PIAS2: variants seen among roughly 807,000 people sequenced by gnomAD.
PIAS2 encodes the protein protein inhibitor of activated STAT 2, also known as E3 SUMO-protein ligase PIAS2.
PIAS2 carries 19 observed loss-of-function variants against 69.7 expected under a neutral mutation model. That is an observed-to-expected ratio of 0.27 (90% CI 0.19 to 0.40). The LOEUF (loss-of-function observed/expected upper bound fraction) is 0.40. Among genes scored for constraint, PIAS2 ranks in the 10% least tolerant of loss-of-function variants. The pLI, the probability that PIAS2 is intolerant of heterozygous loss-of-function variation, is 1.00. For missense variants in PIAS2, 624 were observed against 757.0 expected (o/e 0.82, Z 2.06); for synonymous variants, 261 against 263.2 (o/e 0.99, Z 0.08).
chr18:46,914,479 T>C (rs1164123199), intron 1 of PIAS2, among the ~76,000 whole-genome samples: 1 of 152,160 alleles, frequency 6.6e-6, no homozygotes, highest in Non-Finnish European at 1.5e-5. Context: ...AGATCTCTGG[T>C]ACTGGCTCAC....
chr18:46,902,583 C>T lies in PIAS2; in HGVS notation c.25-11529G>A, dbSNP rs1030396857. 8.6e-5 allele frequency among the ~76,000 whole-genome samples: 13 copies of T among 151,876 alleles called. No homozygotes were observed. In the East Asian group the frequency reaches 2.5e-3, roughly 29 times the overall value. On this transcript the variant is annotated intron_variant, in intron 1 of 13. Coordinates refer to ENST00000585916, the MANE Select transcript of PIAS2 (RefSeq NM_004671.5). Reference sequence around the variant, plus strand: ...CTCAAAAAAAAAAGAGAAAAGAAAACCTAAACAAATAAATTCTTCACGGAT... The same window carrying T: ...CTCAAAAAAAAAAGAGAAAAGAAAATCTAAACAAATAAATTCTTCACGGAT...
At chr18:46,818,588 C>T (rs1349915026) in intron 12 of PIAS2, 2 of 656,512 alleles carry the variant, frequency 3.0e-6, no homozygotes, top group African/African-American at 3.8e-5. Flanking sequence ...CAAAACTCTT[C>T]ACAGTATGAC....
intron 9 of PIAS2, 67 bp downstream of exon 9, chr18:46,836,290 G>T: frequency 8.3e-7 from 1 of 1,210,340 alleles, no homozygotes; most frequent in Non-Finnish European, 1.2e-6. Flanking sequence ...GTAAGTTGTA[G>T]TGAACAAAGG....
In PIAS2 at chr18:46,811,247, A is replaced by G. The variant is rs1299425073; in HGVS notation, c.*1186T>C. ...TTTGTCGTTTGTAGTTTCAGGTAAGATATCATTTTAAAAAAATGAAAAAAA... is the reference window on the plus strand; with the variant it reads ...TTTGTCGTTTGTAGTTTCAGGTAAGGTATCATTTTAAAAAAATGAAAAAAA... On this transcript the variant is annotated 3_prime_UTR_variant, in exon 14 of 14. Transcript: ENST00000585916. The G allele has an allele frequency of 1.3e-5, 2 of 151,424 alleles. No homozygotes were observed. Among genetic ancestry groups the G allele is most frequent in the African/African-American group, 4.9e-5 (2 of 41,164 alleles). The allele number at this position is 151,424 out of a possible 1,614,324, so 9.4% of individuals were successfully genotyped here. A position where few individuals can be genotyped will look rare whatever the true frequency, so the allele number is the denominator to read the frequency against.
intron 5 of PIAS2, chr18:46,852,960 T>C (rs1490025368): frequency 1.3e-5 from 2 of 152,182 alleles, no homozygotes; most frequent in African/African-American, 2.4e-5. Context: ...GAGGGGCAAA[T>C]AGCAATGAGA....
At position 46,830,095 on chromosome 18, in the gene PIAS2, G is replaced by C. The variant is rs151313651; in HGVS notation, c.1203-228C>G. On this transcript the variant is annotated intron_variant, in intron 9 of 13. Coordinates refer to ENST00000585916, the MANE Select transcript of PIAS2 (RefSeq NM_004671.5). ...TTAAGTAACTTACTGAGCATCACCT[G>C]TGTAACTCAATGAGTATAAATGGCT... Among the ~76,000 whole-genome samples the C allele has an allele frequency of 7.2e-4, 109 of 152,256 alleles. 1 individual carries two copies. In the East Asian group the frequency reaches 0.019, roughly 26 times the overall value.
chr18:46,918,982 T>C (rs969153700), upstream of PIAS2, among the ~76,000 whole-genome samples: 1 of 147,208 alleles, frequency 6.8e-6, no homozygotes, highest in Non-Finnish European at 1.5e-5. Context: ...ATTTGATATA[T>C]ATGTGTGTGC....
chr18:46,804,745 C>A lies in PIAS2; in HGVS notation c.*7688G>T, dbSNP rs1006838202. 1.3e-5 allele frequency: 2 copies of A among 152,180 alleles called. No individual in the cohort carries two copies. The highest frequency in any genetic ancestry group is 2.9e-5 in the Non-Finnish European group (2 of 68,036). 9.4% of individuals were successfully genotyped at this position (152,180 alleles called of 1,614,324 possible). A position where few individuals can be genotyped will look rare whatever the true frequency, so the allele number is the denominator to read the frequency against. ...TCTTTTACCATTAACATTGTAATCT[C>A]CCTATTTCACACCTCTGTTGACGCT... is the stretch of plus-strand genomic sequence containing the variant. On this transcript the variant is annotated 3_prime_UTR_variant, in exon 14 of 14. Transcript: ENST00000585916.
chr18:46,883,398 C>T (rs2052615620), intron 2 of PIAS2, among the ~76,000 whole-genome samples: 1 of 152,046 alleles, frequency 6.6e-6, no homozygotes, highest in East Asian at 1.9e-4. Flanking sequence ...CAGAAGAATA[C>T]ATATAAGAAT....
intron 1 of PIAS2, among the ~76,000 whole-genome samples, chr18:46,900,270 G>A (rs1369611775): frequency 6.6e-6 from 1 of 151,982 alleles, no homozygotes; most frequent in Non-Finnish European, 1.5e-5. Flanking sequence ...GGCTGAGACA[G>A]GAGAATCGCT....
At chr18:46,919,525 T>C (rs1325535376), upstream of PIAS2, among the ~76,000 whole-genome samples, 2 of 150,812 alleles carry the variant, frequency 1.3e-5, no homozygotes, top group African/African-American at 4.9e-5. Context: ...GGCACATGCC[T>C]GTAATCCCAG....
rs544813323 is a variant in PIAS2 at position 46,856,932 on chromosome 18, A to G, written c.585-1317T>C. Among the ~76,000 whole-genome samples, 47 of 152,348 alleles carry G rather than the reference A, an allele frequency of 3.1e-4. No homozygotes were observed. The East Asian group carries it at 7.5e-3, about 24-fold the overall frequency. On this transcript the variant is annotated intron_variant, in intron 3 of 13. Transcript: ENST00000585916. The stretch of plus-strand genomic sequence containing the variant: ...CTTAAGTTCTACAGTCCCAAGCTGC[A>G]CAACATTGTGCAAATCACTTAACCA...
intron 11 of PIAS2, among the ~76,000 whole-genome samples, chr18:46,822,142 T>C (rs1308454839): frequency 6.6e-6 from 1 of 152,174 alleles, no homozygotes; most frequent in Admixed American, 6.5e-5. Context: ...TGATGACAAA[T>C]TGCATGACAT....
chr18:46,890,885 T>TATCG lies in PIAS2; in HGVS notation c.190_193dup (p.Tyr65SerfsTer7), dbSNP rs2053979141. ...AGAAAGTCCTTCAAGAGTTCGTGGA[T>TATCG]ATCGGCGTCTATACAATTCTCGGAT... On this transcript the variant is annotated frameshift_variant, in exon 2 of 14. Transcript: ENST00000585916. LOFTEE classifies it high-confidence loss of function. 1 of 1,614,076 alleles carries TATCG rather than the reference T, an allele frequency of 6.2e-7. No homozygotes were observed.
intron 13 of PIAS2, among the ~76,000 whole-genome samples, chr18:46,813,899 G>C (rs1477844572): frequency 6.6e-6 from 1 of 152,176 alleles, no homozygotes; most frequent in African/African-American, 2.4e-5. Flanking sequence ...TCTAAAGATG[G>C]TTGAATTGTC....
chr18:46,840,006 T>C (rs1599592280), intron 8 of PIAS2, among the ~76,000 whole-genome samples: 1 of 150,852 alleles, frequency 6.6e-6, no homozygotes, highest in Non-Finnish European at 1.5e-5. Flanking sequence ...ACTAAGAATA[T>C]AAAAATTAGC....
chr18:46,899,319 A>G (rs1209083654), intron 1 of PIAS2, among the ~76,000 whole-genome samples: 1 of 152,218 alleles, frequency 6.6e-6, no homozygotes, highest in Non-Finnish European at 1.5e-5. Context: ...CTGAAGCAGG[A>G]GGAAAGCACT....
chr18:46,899,456 G>A (rs1345898373), intron 1 of PIAS2, among the ~76,000 whole-genome samples: 1 of 152,198 alleles, frequency 6.6e-6, no homozygotes, highest in Non-Finnish European at 1.5e-5. Context: ...CCGAACCAGA[G>A]TAATCTAGAG....
intron 1 of PIAS2, among the ~76,000 whole-genome samples, chr18:46,894,654 G>A (rs963385714): frequency 2.0e-5 from 3 of 152,128 alleles, no homozygotes; most frequent in Non-Finnish European, 4.4e-5. Context: ...AGTCAACCTT[G>A]TTCCTTTATC....
Sources: allele counts gnomAD v4.1 joint callset (sites outside exome capture counted in the v4.1 genomes callset), GRCh38; gene constraint gnomAD v4.1.1; transcripts MANE v1.5; gene names NCBI Gene and HGNC (gene_info 2026-07-23, HGNC 2026-07-21).